RUNX1T1: variants seen among roughly 807,000 people sequenced by gnomAD.
The protein encoded by RUNX1T1 is protein CBFA2T1.
A neutral mutation model predicts 62.8 loss-of-function variants in RUNX1T1; 4 were observed. The observed-to-expected ratio is 0.06, with a 90% CI of 0.03 to 0.15. RUNX1T1 has a LOEUF of 0.15. RUNX1T1 is among the 10% of genes least tolerant of loss of function. The pLI is 1.00. For synonymous variants in RUNX1T1, 291 were observed against 286.0 expected, an observed-to-expected ratio of 1.02 and a Z score of -0.18; for missense variants, 508 against 754.3, an observed-to-expected ratio of 0.67 and a Z score of 3.82.
At chr8:92,016,381 G>C (rs1365608246) in intron 2 of RUNX1T1, among the ~76,000 whole-genome samples, 1 of 151,974 alleles carries the variant, frequency 6.6e-6, no homozygotes, top group African/African-American at 2.4e-5. Flanking sequence ...ACAGGTTCAA[G>C]ACAAGAAAGA....
chr8:92,063,019 T>C, upstream of RUNX1T1: 3 of 1,061,886 alleles, frequency 2.8e-6, no homozygotes, highest in Non-Finnish European at 2.3e-6. Flanking sequence ...GATAGAAATG[T>C]AGACCTGGCC....
At chr8:92,012,122 C>T (rs1162569915) in intron 3 of RUNX1T1, among the ~76,000 whole-genome samples, 1 of 152,274 alleles carries the variant, frequency 6.6e-6, no homozygotes, top group South Asian at 2.1e-4. Flanking sequence ...GTTCTTCATA[C>T]CCCCACACTC....
intron 1 of RUNX1T1, among the ~76,000 whole-genome samples, chr8:92,077,728 A>G (rs1157778165): frequency 6.6e-6 from 1 of 152,112 alleles, no homozygotes; most frequent in Non-Finnish European, 1.5e-5. Flanking sequence ...TATATGAGCC[A>G]TAGTTAATAA....
chr8:91,972,741 A>G (rs1217504731), intron 9 of RUNX1T1, among the ~76,000 whole-genome samples: 2 of 152,106 alleles, frequency 1.3e-5, no homozygotes, highest in Non-Finnish European at 2.9e-5. Flanking sequence ...ATGCATTCCT[A>G]TTCTAATCCC....
chr8:92,025,757 C>T (rs1299910799), intron 1 of RUNX1T1, among the ~76,000 whole-genome samples: 1 of 152,184 alleles, frequency 6.6e-6, no homozygotes, highest in Non-Finnish European at 1.5e-5. Context: ...AAGATGAAAT[C>T]ATCTATGTAT....
intron 1 of RUNX1T1, among the ~76,000 whole-genome samples, chr8:92,086,383 T>C (rs1444406154): frequency 6.6e-6 from 1 of 152,232 alleles, no homozygotes; most frequent in African/African-American, 2.4e-5. Context: ...CCACTTTGCA[T>C]TCTCCTGCAC....
chr8:91,995,576 C>T (rs756612497), intron 5 of RUNX1T1, among the ~76,000 whole-genome samples: 2 of 152,108 alleles, frequency 1.3e-5, no homozygotes, highest in African/African-American at 2.4e-5. Context: ...CTGTTTGAGC[C>T]CAGGAGTTTA....
At chr8:91,984,689 C>T (rs1816169477) in intron 8 of RUNX1T1, among the ~76,000 whole-genome samples, 1 of 152,040 alleles carries the variant, frequency 6.6e-6, no homozygotes, top group South Asian at 2.1e-4. Flanking sequence ...TTATAAATAT[C>T]CCCTCTGTCC....
At chr8:92,066,624 C>T (rs948054894), upstream of RUNX1T1, among the ~76,000 whole-genome samples, 10 of 152,226 alleles carry the variant, frequency 6.6e-5, no homozygotes, top group South Asian at 2.1e-4. Context: ...TAAATAGATA[C>T]AACACCTAAT....
intron 9 of RUNX1T1, 65 bp from the exon 11 acceptor site, chr8:91,970,913 C>A: frequency 7.6e-7 from 1 of 1,322,044 alleles, no homozygotes; most frequent in Non-Finnish European, 1.0e-6. Flanking sequence ...TCATTGGATA[C>A]GGATTACTTT....
At chr8:92,022,495 T>G (rs1161092878) in intron 1 of RUNX1T1, among the ~76,000 whole-genome samples, 1 of 152,190 alleles carries the variant, frequency 6.6e-6, no homozygotes, top group Admixed American at 6.5e-5. Flanking sequence ...ACTCAGCCCA[T>G]AAGGGCTCTA....
At chr8:92,093,330 C>T (rs1231275197) in intron 1 of RUNX1T1, among the ~76,000 whole-genome samples, 5 of 151,366 alleles carry the variant, frequency 3.3e-5, no homozygotes, top group East Asian at 3.9e-4. Context: ...CATATTCACT[C>T]TCTGTATGGT....
chr8:92,094,572 T>G, intron 1 of RUNX1T1, among the ~76,000 whole-genome samples: 1 of 152,204 alleles, frequency 6.6e-6, no homozygotes, highest in East Asian at 1.9e-4. Context: ...TTTGCTTTTC[T>G]TACTCATTCA....
At chr8:92,070,426 C>T (rs560754060) in intron 2 of RUNX1T1, among the ~76,000 whole-genome samples, 1 of 152,246 alleles carries the variant, frequency 6.6e-6, no homozygotes, top group East Asian at 1.9e-4. Context: ...CAGGCTGATA[C>T]ATAAATAAAC....
chr8:92,053,702 G>C (rs969717737), intron 1 of RUNX1T1, among the ~76,000 whole-genome samples: 9 of 151,988 alleles, frequency 5.9e-5, no homozygotes, highest in African/African-American at 1.2e-4. Flanking sequence ...TTTTCCCCTT[G>C]TTAATTAACA....
At chr8:92,039,804 A>T (rs769066089) in intron 1 of RUNX1T1, among the ~76,000 whole-genome samples, 3 of 152,092 alleles carry the variant, frequency 2.0e-5, no homozygotes, top group Non-Finnish European at 4.4e-5. Flanking sequence ...ATACCAACTG[A>T]TCATTGGAGC....
intron 1 of RUNX1T1, among the ~76,000 whole-genome samples, chr8:92,038,551 G>A (rs1248951895): frequency 1.3e-5 from 2 of 152,080 alleles, no homozygotes; most frequent in African/African-American, 4.8e-5. Context: ...AATGAAGAAC[G>A]AAGGCTTTCG....
chr8:92,013,160 A>AT (rs1438323055), intron 3 of RUNX1T1, among the ~76,000 whole-genome samples: 1 of 152,192 alleles, frequency 6.6e-6, no homozygotes, highest in Non-Finnish European at 1.5e-5. Context: ...GGTCTAACTT[A>AT]TTTACATGTT....
intron 5 of RUNX1T1, among the ~76,000 whole-genome samples, chr8:92,001,630 G>C (rs1372892626): frequency 6.6e-6 from 1 of 152,146 alleles, no homozygotes. Flanking sequence ...ATTTGAGATA[G>C]TAGGGGGTAC....
Sources: gnomAD v4.1 joint callset for allele counts (sites outside exome capture counted in the v4.1 genomes callset) on GRCh38, gnomAD v4.1.1 for gene constraint, MANE v1.5 for transcripts, NCBI Gene and HGNC (gene_info 2026-07-23, HGNC 2026-07-21) for gene names.